The following DSE variants were observed in gnomAD, a reference collection of about 807,000 sequenced individuals.
DSE encodes the protein dermatan sulfate epimerase, also known as dermatan-sulfate epimerase.
Under a neutral mutation model 84.4 loss-of-function variants are expected in DSE, and 36 were observed. That is an observed-to-expected ratio of 0.43 (90% CI 0.33 to 0.56). DSE has a LOEUF of 0.56. Ranked by LOEUF, DSE falls within the 20% of genes least tolerant of loss-of-function variation. DSE has a pLI of 0.06. For synonymous variants in DSE, 410 were observed against 430.1 expected, an observed-to-expected ratio of 0.95 and a Z score of 0.58; for missense variants, 862 against 1,169.6, an observed-to-expected ratio of 0.74 and a Z score of 3.84.
At chr6:116,435,559 C>G (rs757091830) in intron 5 of DSE, 28 bp from the exon 6 acceptor site, 1 of 1,540,292 alleles carries the variant, frequency 6.5e-7, no homozygotes, top group Non-Finnish European at 8.7e-7. Flanking sequence ...CATCAGAAAA[C>G]CATTTAATTT....
chr6:116,336,810 C>T (rs1777282900), intron 2 of DSE, among the ~76,000 whole-genome samples: 1 of 150,822 alleles, frequency 6.6e-6, no homozygotes, highest in African/African-American at 2.4e-5. Context: ...ATATTGTGCT[C>T]AAAATATCTG....
At chr6:116,277,212 T>C (rs1395252793) in intron 2 of DSE, 1 of 152,598 alleles carries the variant, frequency 6.6e-6, no homozygotes, top group African/African-American at 2.4e-5. Context: ...ACAAAACAAG[T>C]AAGAAAGCAT....
intron 2 of DSE, among the ~76,000 whole-genome samples, chr6:116,365,270 G>T (rs188795922): frequency 4.7e-5 from 7 of 150,534 alleles, no homozygotes; most frequent in Admixed American, 4.0e-4. Flanking sequence ...CTTTTTTTGT[G>T]GGGGGGATGG....
intron 2 of DSE, among the ~76,000 whole-genome samples, chr6:116,404,082 C>G (rs996734240): frequency 6.6e-6 from 1 of 152,180 alleles, no homozygotes; most frequent in Non-Finnish European, 1.5e-5. Context: ...AATGAAATGA[C>G]TGCCTGTCCA....
At chr6:116,306,677 A>G (rs1775365117) in intron 2 of DSE, among the ~76,000 whole-genome samples, 1 of 152,166 alleles carries the variant, frequency 6.6e-6, no homozygotes, top group South Asian at 2.1e-4. Flanking sequence ...CTTTTTGTGA[A>G]CTGAATGTTG....
intron 2 of DSE, among the ~76,000 whole-genome samples, chr6:116,301,103 C>T (rs905566850): frequency 1.4e-5 from 2 of 147,812 alleles, no homozygotes; most frequent in Non-Finnish European, 3.0e-5. Context: ...AGTGGTTGGA[C>T]TTCTGAGGTG....
chr6:116,409,376 A>G (rs1226087057), intron 2 of DSE, among the ~76,000 whole-genome samples: 1 of 152,138 alleles, frequency 6.6e-6, no homozygotes, highest in Non-Finnish European at 1.5e-5. Flanking sequence ...TCCTGGGTTC[A>G]TGCCATTCTC....
At chr6:116,279,193 T>C (rs764860145) in intron 2 of DSE, 1 of 1,611,138 alleles carries the variant, frequency 6.2e-7, no homozygotes, top group South Asian at 1.1e-5. Flanking sequence ...CTCCCTCGCC[T>C]CCTCCTCCAA....
At chr6:116,278,957 T>C (rs1364019786) in intron 2 of DSE, 1 of 1,614,112 alleles carries the variant, frequency 6.2e-7, no homozygotes, top group South Asian at 1.1e-5. Context: ...CCCCTAATCA[T>C]GGCGGACAAC....
intron 2 of DSE, among the ~76,000 whole-genome samples, chr6:116,262,900 A>G (rs753047144): frequency 1.3e-5 from 2 of 152,150 alleles, no homozygotes; most frequent in Non-Finnish European, 2.9e-5. Context: ...AGGTTATTCA[A>G]TTTCCATGTA....
At chr6:116,342,391 C>G (rs1196309109) in intron 2 of DSE, among the ~76,000 whole-genome samples, 1 of 150,248 alleles carries the variant, frequency 6.7e-6, no homozygotes, top group Non-Finnish European at 1.5e-5. Flanking sequence ...AGGTAATTCT[C>G]CTGCCTCAGT....
At chr6:116,286,878 A>G (rs1773940981) in intron 2 of DSE, among the ~76,000 whole-genome samples, 2 of 152,100 alleles carry the variant, frequency 1.3e-5, no homozygotes, top group Non-Finnish European at 2.9e-5. Context: ...ATGTTACTGT[A>G]TTTCTTCCAT....
At chr6:116,315,262 A>G (rs1775900746) in intron 2 of DSE, among the ~76,000 whole-genome samples, 1 of 151,950 alleles carries the variant, frequency 6.6e-6, no homozygotes, top group Non-Finnish European at 1.5e-5. Flanking sequence ...GTGAAAAATC[A>G]ATACACACAT....
chr6:116,425,931 G>GAA (rs1200237754), intron 2 of DSE, among the ~76,000 whole-genome samples: 1 of 152,164 alleles, frequency 6.6e-6, no homozygotes, highest in Non-Finnish European at 1.5e-5. Context: ...AGACTTCTTA[G>GAA]AAAGATATTT....
intron 2 of DSE, among the ~76,000 whole-genome samples, chr6:116,274,252 A>G (rs888815029): frequency 3.9e-5 from 6 of 152,140 alleles, no homozygotes; most frequent in African/African-American, 1.4e-4. Flanking sequence ...AACATCATGT[A>G]CATTTGTAAA....
intron 2 of DSE, among the ~76,000 whole-genome samples, chr6:116,301,217 T>C (rs1775020006): frequency 6.6e-6 from 1 of 151,730 alleles, no homozygotes; most frequent in South Asian, 2.1e-4. Flanking sequence ...ACATAGGCAT[T>C]CATGCACATG....
At chr6:116,411,393 A>G (rs1782344739) in intron 2 of DSE, among the ~76,000 whole-genome samples, 1 of 152,230 alleles carries the variant, frequency 6.6e-6, no homozygotes, top group Non-Finnish European at 1.5e-5. Flanking sequence ...GGTGTCCTCA[A>G]ATCACTTTCT....
chr6:116,267,680 C>T (rs1033918773), intron 2 of DSE, among the ~76,000 whole-genome samples: 1 of 152,026 alleles, frequency 6.6e-6, no homozygotes, highest in South Asian at 2.1e-4. Context: ...ATAAAATGTA[C>T]AATAGCATAT....
At chr6:116,399,842 T>A in intron 2 of DSE, 176 bp downstream of exon 2, 1 of 606,380 alleles carries the variant, frequency 1.6e-6, no homozygotes, top group African/African-American at 1.8e-5. Context: ...TCAAAAGATG[T>A]AGTAACTTCC....
Sources: allele counts gnomAD v4.1 joint callset (sites outside exome capture counted in the v4.1 genomes callset), GRCh38; gene constraint gnomAD v4.1.1; transcripts MANE v1.5; gene names NCBI Gene and HGNC (gene_info 2026-07-23, HGNC 2026-07-21).